KIF5B: variants seen among roughly 807,000 people sequenced by gnomAD.
KIF5B encodes the protein kinesin family member 5B, also known as kinesin-1 heavy chain.
In KIF5B, 49 loss-of-function variants were observed where a neutral mutation model predicts 132.8. The observed-to-expected ratio is 0.37, with a 90% confidence interval of 0.29 to 0.47. The LOEUF (loss-of-function observed/expected upper bound fraction) is 0.47, where lower values mean the gene tolerates loss of function less well. KIF5B is among the 20% of genes least tolerant of loss of function. The pLI is 1.00. For synonymous variants in KIF5B, 355 were observed against 369.4 expected (o/e 0.96, Z 0.45); for missense variants, 780 against 1,144.0 (o/e 0.68, Z 4.59).
chr10:32,017,571 T>C (rs899917554), intron 23 of KIF5B, among the ~76,000 whole-genome samples: 3 of 152,082 alleles, frequency 2.0e-5, no homozygotes, highest in Non-Finnish European at 4.4e-5. Context: ...TTCCTTTAAT[T>C]TTTTAGGGGG....
chr10:32,031,358 A>C, intron 13 of KIF5B, 79 bp from the exon 14 acceptor site: 1 of 1,061,902 alleles, frequency 9.4e-7, no homozygotes, highest in Non-Finnish European at 1.4e-6. Context: ...ACCATTTGTC[A>C]AGAACAAATG....
chr10:32,034,178 T>C (rs968377652), intron 11 of KIF5B, 140 bp from the exon 12 acceptor site: 3 of 555,852 alleles, frequency 5.4e-6, no homozygotes, highest in Admixed American at 7.5e-5. Flanking sequence ...TGGTGCAATC[T>C]AGGCTCACTG....
At chr10:32,030,852 G>T (rs1841394912) in intron 14 of KIF5B, among the ~76,000 whole-genome samples, 1 of 151,982 alleles carries the variant, frequency 6.6e-6, no homozygotes, top group Non-Finnish European at 1.5e-5. Flanking sequence ...CTCTAAAACA[G>T]CATTTAAATT....
chr10:32,047,972 A>C (rs376720358), intron 2 of KIF5B, among the ~76,000 whole-genome samples: 8 of 152,364 alleles, frequency 5.3e-5, no homozygotes, highest in African/African-American at 1.9e-4. Flanking sequence ...TTCTTGTATA[A>C]GTTATAGTAT....
intron 15 of KIF5B, among the ~76,000 whole-genome samples, chr10:32,026,020 G>A (rs1445301799): frequency 6.6e-6 from 1 of 152,124 alleles, no homozygotes; most frequent in African/African-American, 2.4e-5. Flanking sequence ...GGGTGGTGTG[G>A]GAACTATTCT....
At position 32,010,999 on chromosome 10, in the gene KIF5B, A is replaced by G. The variant is rs1841070374; in HGVS notation, c.*538T>C. ...TCATCATTTCAAGGGATTTTAAAAT[A>G]CAGTACTGACTGGATATATTTTATG... On this transcript the variant is annotated 3_prime_UTR_variant, in exon 26 of 26. Coordinates refer to ENST00000302418, the MANE Select transcript of KIF5B (RefSeq NM_004521.3). The G allele has an allele frequency of 6.6e-6, 1 of 152,172 alleles. No homozygotes were observed. 9.4% of individuals were successfully genotyped at this position (152,172 alleles called of 1,614,324 possible).
intron 25 of KIF5B, among the ~76,000 whole-genome samples, chr10:32,012,462 C>T (rs990121917): frequency 2.6e-5 from 4 of 152,204 alleles, no homozygotes; most frequent in Non-Finnish European, 5.9e-5. Context: ...AATTATTTAA[C>T]ATTTAAACAA....
chr10:32,048,957 C>T (rs1312584826), intron 1 of KIF5B, among the ~76,000 whole-genome samples: 1 of 152,148 alleles, frequency 6.6e-6, no homozygotes, highest in Non-Finnish European at 1.5e-5. Flanking sequence ...CAGCCTCAAC[C>T]TCCTGGGCTC....
At position 32,023,034 on chromosome 10, in the gene KIF5B, C is replaced by T; in HGVS notation, c.1728G>A (p.Gln576=). 6.5e-7 allele frequency: 1 copy of T among 1,541,382 alleles called. No homozygotes were observed. The highest frequency in any genetic ancestry group is 8.8e-7 in the Non-Finnish European group (1 of 1,139,716). ...GIAVGNNDVK[Q]PEGTGMIDEE... ...CATCTATCATGCCAGTTCCCTCAGG[C>T]TGCTGTAAGGAAAAAGTAAAATAAA... The change falls in exon 16 of 26, where the codon CAG becomes CAA. Residue 576 remains glutamine (Q), a splice_region_variant and synonymous_variant. Transcript: ENST00000302418.
At position 32,037,229 on chromosome 10, in the gene KIF5B, T is replaced by G. The variant is rs750236438; in HGVS notation, c.711+25A>C. On this transcript the variant is annotated intron_variant, in intron 8 of 25. Coordinates refer to ENST00000302418, the MANE Select transcript of KIF5B (RefSeq NM_004521.3). ...AAAGTTTACAAAGATGCTTAAATATTTGTCAAAATACATGAAGACTTTACC... is the reference window on the plus strand; with the variant it reads ...AAAGTTTACAAAGATGCTTAAATATGTGTCAAAATACATGAAGACTTTACC... The G allele has an allele frequency of 1.5e-5, 24 of 1,600,428 alleles. No homozygotes were observed. In the South Asian group the frequency reaches 2.6e-4, roughly 17 times the overall value.
At position 32,028,216 on chromosome 10, in the gene KIF5B, A is replaced by C. The variant is rs1422380815; in HGVS notation, c.1725+212T>G. 4.7e-5 allele frequency among the ~76,000 whole-genome samples: 7 copies of C among 150,096 alleles called. No individual in the cohort carries two copies. In the East Asian group the frequency reaches 1.3e-3, roughly 29 times the overall value. ...TAGTAAAGAATCAAACATGAGGTCC[A>C]ATAAATGCCGCCTACTGAATTTACC... On this transcript the variant is annotated intron_variant, in intron 15 of 25. Transcript: ENST00000302418.
intron 2 of KIF5B, among the ~76,000 whole-genome samples, chr10:32,040,886 G>A (rs1362867754): frequency 4.6e-5 from 7 of 151,776 alleles, no homozygotes; most frequent in Admixed American, 4.6e-4. Context: ...TACTCAGGAG[G>A]CTGAGGCAGG....
chr10:32,036,248 T>C (rs896658808), intron 8 of KIF5B, among the ~76,000 whole-genome samples: 8 of 152,218 alleles, frequency 5.3e-5, no homozygotes, highest in African/African-American at 1.9e-4. Flanking sequence ...AAATTTGTAG[T>C]TCATTAATCT....
chr10:32,050,616 A>G (rs763310394), intron 1 of KIF5B, among the ~76,000 whole-genome samples: 3 of 152,238 alleles, frequency 2.0e-5, no homozygotes, highest in Non-Finnish European at 4.4e-5. Flanking sequence ...TTATTTATTT[A>G]AGCCACTATT....
intron 1 of KIF5B, among the ~76,000 whole-genome samples, 186 bp from the exon 2 acceptor site, chr10:32,048,737 G>A (rs1841648863): frequency 6.6e-6 from 1 of 151,974 alleles, no homozygotes; most frequent in African/African-American, 2.4e-5. Context: ...ATAAACTCCA[G>A]GAAAACAAGA....
At chr10:32,037,697 G>A in intron 6 of KIF5B, 90 bp from the exon 7 acceptor site, 1 of 911,116 alleles carries the variant, frequency 1.1e-6, no homozygotes, top group Non-Finnish European at 1.7e-6. Context: ...GCCGGGCGCG[G>A]TGGCGGGTGC....
intron 11 of KIF5B, 150 bp downstream of exon 11, chr10:32,034,540 A>T: frequency 1.9e-6 from 1 of 522,530 alleles, no homozygotes; most frequent in Non-Finnish European, 3.1e-6. Flanking sequence ...TTTCAGCTCC[A>T]GGATTTCTAT....
chr10:32,014,221 A>G (rs868094025), intron 25 of KIF5B, among the ~76,000 whole-genome samples: 13 of 152,276 alleles, frequency 8.5e-5, no homozygotes, highest in Middle Eastern at 3.4e-3. Flanking sequence ...TAAGTTTAAA[A>G]AGCAGGCTAC....
intron 1 of KIF5B, among the ~76,000 whole-genome samples, chr10:32,052,519 TTAA>T (rs1228185468): frequency 6.6e-6 from 1 of 152,184 alleles, no homozygotes; most frequent in Non-Finnish European, 1.5e-5. Context: ...GTAAAGATAC[TTAA>T]TGATGCAAAT....
Sources: allele counts gnomAD v4.1 joint callset (sites outside exome capture counted in the v4.1 genomes callset), GRCh38; gene constraint gnomAD v4.1.1; transcripts MANE v1.5; gene names NCBI Gene and HGNC (gene_info 2026-07-23, HGNC 2026-07-21).